The following ACAA1 variants were observed in gnomAD, a reference collection of about 807,000 sequenced individuals.
ACAA1 encodes acetyl-CoA acyltransferase 1.
ACAA1 carries 44 observed loss-of-function variants against 48.8 expected under a neutral mutation model. That is an observed-to-expected ratio of 0.90 (90% CI 0.71 to 1.16). The LOEUF (loss-of-function observed/expected upper bound fraction) is 1.16, where lower values mean the gene tolerates loss of function less well. ACAA1 is among the 50% of genes most tolerant of loss of function. ACAA1 has a pLI of 0.00. For synonymous variants in ACAA1, 233 were observed against 226.5 expected (o/e 1.03, Z -0.26); for missense variants, 512 against 562.3 (o/e 0.91, Z 0.90).
intron 2 of ACAA1, chr3:38,135,098 A>C (rs1700864354): frequency 6.6e-6 from 1 of 152,244 alleles, no homozygotes; most frequent in Non-Finnish European, 1.5e-5. Context: ...TGTCTGGGTA[A>C]AGAGAAACAA....
intron 3 of ACAA1, among the ~76,000 whole-genome samples, chr3:38,133,268 G>T (rs1408572431): frequency 1.3e-5 from 2 of 152,166 alleles, no homozygotes; most frequent in Non-Finnish European, 2.9e-5. Context: ...AAAAGTCAAG[G>T]TGAGTAAGCA....
rs544257561 is a variant in ACAA1, at chr3:38,129,527, G to A, written c.447-139C>T. 40 of 668,998 alleles carry A rather than the reference G, an allele frequency of 6.0e-5. 1 individual carries two copies. The South Asian group carries it at 7.4e-4, about 12-fold the overall frequency. The allele number at this position is 668,998 out of a possible 1,614,324, so 41.4% of individuals were successfully genotyped here. A position where few individuals can be genotyped will look rare whatever the true frequency, so the allele number is the denominator to read the frequency against. Reference sequence around the variant, plus strand: ...GACCAGTGGGCCTCTGGGAGTCACAGGCAGGGCACTTGGCCAGCAAGGCCC... The same window carrying A: ...GACCAGTGGGCCTCTGGGAGTCACAAGCAGGGCACTTGGCCAGCAAGGCCC... On this transcript the variant is annotated intron_variant, in intron 5 of 11. Coordinates refer to ENST00000333167, the MANE Select transcript of ACAA1 (RefSeq NM_001607.4). The surrounding 1 kb of genome is among the most constrained non-coding windows in gnomAD (Gnocchi z 5.3).
chr3:38,134,679 G>A lies in ACAA1; in HGVS notation c.266-670C>T, dbSNP rs1483237067. ...TAAGGGATTTAGGGCTGTGCAGGAT[G>A]TGCCTTGTCAACATATGTTTGCAGA... is the stretch of plus-strand genomic sequence containing the variant. On this transcript the variant is annotated intron_variant, in intron 2 of 11. Transcript: ENST00000333167. 1.2e-5 allele frequency: 4 copies of A among 329,822 alleles called. No homozygotes were observed. The East Asian group carries it at 2.6e-4, about 22-fold the overall frequency. The allele number at this position is 329,822 out of a possible 1,614,324, so 20.4% of individuals were successfully genotyped here. A position where few individuals can be genotyped will look rare whatever the true frequency, so the allele number is the denominator to read the frequency against.
In ACAA1 at chr3:38,137,102, T is replaced by C. The variant is rs1037048077; in HGVS notation, c.-67A>G. 1.5e-6 allele frequency: 2 copies of C among 1,309,446 alleles called. No homozygotes were observed. The highest frequency in any genetic ancestry group is 1.6e-5 in the African/African-American group (1 of 64,092). 81.1% of individuals were successfully genotyped at this position (1,309,446 alleles called of 1,614,324 possible). A position where few individuals can be genotyped will look rare whatever the true frequency, so the allele number is the denominator to read the frequency against. ...TGACCGCGGAGTTAACAGACAGCCGTCCGCACACGCGCAGAACCACATCTC... is the reference window on the plus strand; with the variant it reads ...TGACCGCGGAGTTAACAGACAGCCGCCCGCACACGCGCAGAACCACATCTC... On this transcript the variant is annotated 5_prime_UTR_variant, in exon 1 of 12. Coordinates refer to ENST00000333167, the MANE Select transcript of ACAA1 (RefSeq NM_001607.4).
At position 38,122,781 on chromosome 3, in the gene ACAA1, T is replaced by G; in HGVS notation, c.*266A>C. 1 of 1,136,222 alleles carries G rather than the reference T, an allele frequency of 8.8e-7. No homozygotes were observed. The highest frequency in any genetic ancestry group is 1.2e-6 in the Non-Finnish European group (1 of 835,006). 70.4% of individuals were successfully genotyped at this position (1,136,222 alleles called of 1,614,324 possible). On this transcript the variant is annotated 3_prime_UTR_variant, in exon 12 of 12. Transcript: ENST00000333167. ...CATGGATTTGCCTTGCCTTAAGAAT[T>G]AACCATGGCCTTGTGGCCTGGGTGA...
intron 2 of ACAA1, among the ~76,000 whole-genome samples, chr3:38,134,828 C>A (rs779486746): frequency 1.3e-5 from 2 of 152,310 alleles, no homozygotes; most frequent in African/African-American, 4.8e-5. Flanking sequence ...GGTTTCCCCC[C>A]ACTGAGACAG....
Position 38,125,671 on chromosome 3 carries a change from T to C in ACAA1, c.1093A>G (p.Lys365Glu). 1 of 1,599,652 alleles carries C rather than the reference T, an allele frequency of 6.3e-7. No homozygotes were observed. Among genetic ancestry groups the C allele is most frequent in the Middle Eastern group, 1.7e-4 (1 of 5,970 alleles). ...CVEKLRLPPE[K>E]VNPLGGAVAL... ...ACTGCACCCCCCAGGGGGTTCACCT[T>C]CTCAGGGGGGAGTCGTAGCTTCTCC... The change falls in exon 11 of 12, where the codon AAG (lysine) becomes GAG (glutamate). Residue 365 changes from lysine (K) to glutamate (E), a missense_variant. By Grantham distance (56) the Lys-to-Glu change is moderately conservative (BLOSUM62 1). Transcript: ENST00000333167.
chr3:38,128,323 A>G (rs1700720243), intron 6 of ACAA1, among the ~76,000 whole-genome samples: 1 of 152,166 alleles, frequency 6.6e-6, no homozygotes, highest in Admixed American at 6.5e-5. Context: ...TCTCCTCTGG[A>G]AAGGCCAAAC....
At position 38,131,619 on chromosome 3, in the gene ACAA1, A is replaced by G. The variant is rs138567761; in HGVS notation, c.423T>C (p.Ser141=). 9.2e-5 allele frequency: 149 copies of G among 1,614,220 alleles called. No homozygotes were observed. The highest frequency in any genetic ancestry group is 8.2e-4 in the Middle Eastern group (5 of 6,062). The change falls in exon 5 of 12, where the codon TCT becomes TCC. Residue 141 remains serine, a synonymous_variant. Transcript: ENST00000333167. ...ASIAGGIRNG[S]YDIGMACGVE... ...ACCCACAGGCCATGCCAATGTCATA[A>G]GACCCATTTCTGATGCCACCTGTAA...
rs145379389 is a variant in ACAA1, at chr3:38,136,500, C to T, written c.265+92G>A. The T allele has an allele frequency of 5.6e-3, 7,846 of 1,398,428 alleles. 47 individuals are homozygous for T. The highest frequency in any genetic ancestry group is 0.014 in the Middle Eastern group (81 of 5,666). The allele number at this position is 1,398,428 out of a possible 1,614,324, so 86.6% of individuals were successfully genotyped here. ...AAAGGTCAAGGCCATGGAGGTTCCC[C>T]CAGTGAAAATTCGGGGCGGGGAGGT... On this transcript the variant is annotated intron_variant, in intron 2 of 11. Coordinates refer to ENST00000333167, the MANE Select transcript of ACAA1 (RefSeq NM_001607.4).
chr3:38,136,896 G>T lies in ACAA1; in HGVS notation c.140C>A (p.Ala47Asp). 1 of 1,532,740 alleles carries T rather than the reference G, an allele frequency of 6.5e-7. No homozygotes were observed. 94.9% of individuals were successfully genotyped at this position (1,532,740 alleles called of 1,614,324 possible). A position where few individuals can be genotyped will look rare whatever the true frequency, so the allele number is the denominator to read the frequency against. Residue 47 changes from alanine (A) to aspartate (D), a missense_variant, in exon 1 of 12, where the codon GCC (alanine) becomes GAC (aspartate). Coordinates refer to ENST00000333167, the MANE Select transcript of ACAA1 (RefSeq NM_001607.4). ...GCCGCCGCGGCCCGCCCGGCAGATG[G>T]CCGTGCGCCGCCCGTGCACCACCAC... is the stretch of plus-strand genomic sequence containing the variant. ...DVVVVHGRRT[A>D]ICRAGRGGFK...
intron 2 of ACAA1, 50 bp from the exon 3 acceptor site, chr3:38,134,059 C>G (rs372402889): frequency 8.0e-5 from 125 of 1,564,780 alleles, no homozygotes; most frequent in Non-Finnish European, 9.4e-5. Context: ...GTTCTGGGCA[C>G]TAAAGTATAG....
chr3:38,136,164 T>A (rs1281947670), intron 2 of ACAA1, among the ~76,000 whole-genome samples: 2 of 152,212 alleles, frequency 1.3e-5, no homozygotes, highest in Non-Finnish European at 2.9e-5. Flanking sequence ...GGGTTGGGGC[T>A]AAGGCTACAG....
At chr3:38,123,756 A>G (rs770835470) in intron 11 of ACAA1, 2 of 152,160 alleles carry the variant, frequency 1.3e-5, no homozygotes, top group African/African-American at 2.4e-5. Context: ...TAATCCCAAC[A>G]CTTTGGGAGG....
intron 11 of ACAA1, chr3:38,124,952 A>G (rs1016861831): frequency 2.6e-5 from 4 of 152,338 alleles, no homozygotes; most frequent in African/African-American, 9.6e-5. Flanking sequence ...AGATGCACAC[A>G]CTAACCTCCT....
intron 11 of ACAA1, chr3:38,124,996 T>A (rs184001996): frequency 2.6e-5 from 4 of 152,306 alleles, no homozygotes; most frequent in African/African-American, 9.6e-5. Context: ...CCCAAAGCAA[T>A]GCTTTGTCAG....
In ACAA1 at chr3:38,129,651, C is replaced by T. The variant is rs1700747081; in HGVS notation, c.447-263G>A. Among the ~76,000 whole-genome samples, 1 of 152,248 alleles carries T rather than the reference C, an allele frequency of 6.6e-6. No homozygotes were observed. Among genetic ancestry groups the T allele is most frequent in the Non-Finnish European group, 1.5e-5 (1 of 68,032 alleles). On this transcript the variant is annotated intron_variant, in intron 5 of 11. Coordinates refer to ENST00000333167, the MANE Select transcript of ACAA1 (RefSeq NM_001607.4). This position sits in a 1 kb window ranked among gnomAD's most constrained non-coding sequence, Gnocchi z 5.3. Reference sequence around the variant, plus strand: ...GGGGGCAGGGCTATGCTTCCCTATACACTGCTAAATCAGCCAACTGGCAAT... The same window carrying T: ...GGGGGCAGGGCTATGCTTCCCTATATACTGCTAAATCAGCCAACTGGCAAT...
chr3:38,136,521 G>A, intron 2 of ACAA1, 71 bp downstream of exon 2: 3 of 1,553,496 alleles, frequency 1.9e-6, no homozygotes, highest in Admixed American at 3.4e-5. Context: ...TCGGGGCGGG[G>A]AGGTGAGGAG....
intron 11 of ACAA1, chr3:38,123,384 A>C (rs1041661975): frequency 9.5e-5 from 44 of 462,150 alleles, no homozygotes; most frequent in Middle Eastern, 5.2e-4. Context: ...TTCTGTGTGC[A>C]TGTTCCCCTC....
Sources: allele counts gnomAD v4.1 joint callset (sites outside exome capture counted in the v4.1 genomes callset), GRCh38; gene constraint gnomAD v4.1.1; non-coding constraint Gnocchi (gnomAD v3.1); transcripts MANE v1.5; gene names NCBI Gene and HGNC (gene_info 2026-07-23, HGNC 2026-07-21).